Variants in PCDHGA11 observed in about 807,000 individuals in gnomAD.
PCDHGA11 encodes the protein protocadherin gamma-A11.
PCDHGA11 carries 39 observed loss-of-function variants against 60.4 expected under a neutral mutation model. The observed-to-expected ratio is 0.65, with a 90% CI of 0.50 to 0.84. The LOEUF is 0.84. Ranked by LOEUF, PCDHGA11 falls within the 40% of genes least tolerant of loss-of-function variation. The probability of loss-of-function intolerance (pLI) is 0.00; values close to 1 mark genes in which losing one functional copy is unlikely to be tolerated. For missense variants in PCDHGA11, 1,165 were observed against 1,197.7 expected (o/e 0.97, Z 0.40); for synonymous variants, 533 against 510.3 (o/e 1.04, Z -0.60).
intron 2 of PCDHGA11, among the ~76,000 whole-genome samples, chr5:141,502,024 C>T (rs2099812413): frequency 2.0e-5 from 3 of 152,152 alleles, no homozygotes; most frequent in Admixed American, 1.3e-4. Context: ...TCCCTGCAAC[C>T]CCCGCCGCTT....
rs1485764871 is a variant in PCDHGA11, at chr5:141,486,709, C to A, written c.2434-8098C>A. On this transcript the variant is annotated intron_variant, in intron 1 of 3. Coordinates refer to ENST00000398587, the MANE Select transcript of PCDHGA11 (RefSeq NM_018914.3). The surrounding 1 kb of genome is among the most constrained non-coding windows in gnomAD (Gnocchi z 5.0). ...CTTCCTCTTTCATCTCTCTGAACCC[C>A]CAGACAGGAGCTGTTCATGCTACTC... 6.2e-7 allele frequency: 1 copy of A among 1,614,182 alleles called. No homozygotes were observed. Among genetic ancestry groups the A allele is most frequent in the Admixed American group, 1.7e-5 (1 of 60,022 alleles).
intron 1 of PCDHGA11, among the ~76,000 whole-genome samples, chr5:141,434,129 G>T (rs1242855904): frequency 6.6e-6 from 1 of 152,092 alleles, no homozygotes; most frequent in East Asian, 1.9e-4. Flanking sequence ...CTCCCTTTAG[G>T]CTGATTTCTA....
chr5:141,423,170 A>G lies in PCDHGA11; in HGVS notation c.1943A>G (p.Gln648Arg). 8 of 1,613,504 alleles carry G rather than the reference A, an allele frequency of 5.0e-6. No individual in the cohort carries two copies. Among genetic ancestry groups the G allele is most frequent in the Non-Finnish European group, 6.8e-6 (8 of 1,179,934 alleles). Residue 648 changes from glutamine to arginine, a missense_variant, in exon 1 of 4, where the codon CAG (glutamine) becomes CGG (arginine). Coordinates refer to ENST00000398587, the MANE Select transcript of PCDHGA11 (RefSeq NM_018914.3). Reference sequence around the variant, plus strand: ...AAGCAGAGCCTCGTGGTGGCCGTCCAGGACCACGGCCAGCCCCCTCTCTCG... The same window carrying G: ...AAGCAGAGCCTCGTGGTGGCCGTCCGGGACCACGGCCAGCCCCCTCTCTCG... Reference protein sequence around the residue: ...ALKQSLVVAVQDHGQPPLSAT... With the variant: ...ALKQSLVVAVRDHGQPPLSAT...
rs61612330 is a variant in PCDHGA11 at position 141,454,796 on chromosome 5, ATTTTTTTT to A, written c.2433+31158_2433+31165del. Reference sequence around the variant, plus strand: ...AAGGAAATAATCCTCCATGGTTCTAATTTTTTTTTTTTTTTTTTTTTTTTTTTTTGAGA... The same window carrying A: ...AAGGAAATAATCCTCCATGGTTCTAATTTTTTTTTTTTTTTTTTTTTGAGA... On this transcript the variant is annotated intron_variant, in intron 1 of 3. Transcript: ENST00000398587. Among the ~76,000 whole-genome samples, 398 of 77,454 alleles carry A rather than the reference ATTTTTTTT, an allele frequency of 5.1e-3. 2 individuals are homozygous for A. The highest frequency in any genetic ancestry group is 0.021 in the African/African-American group (363 of 16,886). 50.8% of individuals were successfully genotyped at this position (77,454 alleles called of 152,430 possible).
intron 1 of PCDHGA11, among the ~76,000 whole-genome samples, chr5:141,483,832 G>A (rs994540286): frequency 2.0e-5 from 3 of 152,134 alleles, no homozygotes; most frequent in African/African-American, 7.2e-5. Context: ...ACCTAGGTAA[G>A]GACTTGGTTG....
chr5:141,481,401 CT>C (rs2099537157), intron 1 of PCDHGA11, among the ~76,000 whole-genome samples: 1 of 152,204 alleles, frequency 6.6e-6, no homozygotes, highest in African/African-American at 2.4e-5. Flanking sequence ...TGACAAAATT[CT>C]TGTATAATTA....
Position 141,487,399 on chromosome 5 carries a change from G to A in PCDHGA11, c.2434-7408G>A. 1.2e-6 allele frequency: 2 copies of A among 1,614,140 alleles called. No homozygotes were observed. Among genetic ancestry groups the A allele is most frequent in the South Asian group, 1.1e-5 (1 of 91,088 alleles). On this transcript the variant is annotated intron_variant, in intron 1 of 3. Coordinates refer to ENST00000398587, the MANE Select transcript of PCDHGA11 (RefSeq NM_018914.3). The surrounding 1 kb of genome is among the most constrained non-coding windows in gnomAD (Gnocchi z 5.0). ...TCACCAGATCTCGAAGGAGGGAGGGGCTTCCCCCTTCCAATGGGATCCTCC... is the reference window on the plus strand; with the variant it reads ...TCACCAGATCTCGAAGGAGGGAGGGACTTCCCCCTTCCAATGGGATCCTCC...
chr5:141,478,135 C>T (rs1307702473), intron 1 of PCDHGA11: 7 of 1,613,970 alleles, frequency 4.3e-6, no homozygotes, highest in African/African-American at 1.3e-5. Flanking sequence ...CTCCTGAAGC[C>T]CGAGCCGAGT....
At position 141,421,533 on chromosome 5, in the gene PCDHGA11, C is replaced by T. The variant is rs80184002; in HGVS notation, c.306C>T (p.Ser102=). The T allele has an allele frequency of 6.2e-7, 1 of 1,614,044 alleles. No homozygotes were observed. Among genetic ancestry groups the T allele is most frequent in the African/African-American group, 1.3e-5 (1 of 75,072 alleles). ...DREELCETVS[S]CFLNMELLVE... Reference sequence around the variant, plus strand: ...AGGAGCTCTGTGAGACGGTGTCCTCCTGTTTTTTAAATATGGAACTTCTCG... The same window carrying T: ...AGGAGCTCTGTGAGACGGTGTCCTCTTGTTTTTTAAATATGGAACTTCTCG... The change falls in exon 1 of 4, where the codon TCC becomes TCT. Residue 102 remains serine (S), a synonymous_variant. Transcript: ENST00000398587.
At chr5:141,468,853 G>C (rs893773356) in intron 1 of PCDHGA11, among the ~76,000 whole-genome samples, 5 of 150,898 alleles carry the variant, frequency 3.3e-5, no homozygotes, top group Non-Finnish European at 7.4e-5. Flanking sequence ...GCAACAGAGC[G>C]AGACTCCATC....
chr5:141,445,025 C>T (rs2154560886), intron 1 of PCDHGA11, among the ~76,000 whole-genome samples: 2 of 152,200 alleles, frequency 1.3e-5, no homozygotes, highest in Middle Eastern at 6.8e-3. Flanking sequence ...TTTCTCTCAG[C>T]TATGTTGTAT....
Position 141,490,102 on chromosome 5 carries a change from G to A in PCDHGA11, c.2434-4705G>A, listed in dbSNP as rs377649214. On this transcript the variant is annotated intron_variant, in intron 1 of 3. Coordinates refer to ENST00000398587, the MANE Select transcript of PCDHGA11 (RefSeq NM_018914.3). The surrounding 1 kb of genome is among the most constrained non-coding windows in gnomAD (Gnocchi z 5.4). ...TTCTTTTGGAGACCACACATCTGAG[G>A]CAGTGCGGAACCTCTTTGGCCTAGA... 4.3e-6 allele frequency: 7 copies of A among 1,614,144 alleles called. No homozygotes were observed. The African/African-American group carries it at 9.3e-5, about 22-fold the overall frequency.
intron 1 of PCDHGA11, among the ~76,000 whole-genome samples, chr5:141,488,139 T>A (rs906194527): frequency 6.6e-6 from 1 of 152,084 alleles, no homozygotes; most frequent in Non-Finnish European, 1.5e-5. Context: ...AGGAGAGAAC[T>A]AAAGGAATAG....
chr5:141,477,564 A>T lies in PCDHGA11; in HGVS notation c.2434-17243A>T. 2 of 1,613,924 alleles carry T rather than the reference A, an allele frequency of 1.2e-6. No individual in the cohort carries two copies. The highest frequency in any genetic ancestry group is 1.7e-6 in the Non-Finnish European group (2 of 1,179,980). On this transcript the variant is annotated intron_variant, in intron 1 of 3. Coordinates refer to ENST00000398587, the MANE Select transcript of PCDHGA11 (RefSeq NM_018914.3). The surrounding 1 kb of genome is among the most constrained non-coding windows in gnomAD (Gnocchi z 4.9). ...CCAATACTAAACCTAAGTGTCTGGG[A>T]CCCCGACGCCCCGCAGAATGCTCGG... is the stretch of plus-strand genomic sequence containing the variant.
In PCDHGA11 at chr5:141,432,068, C is replaced by G. The variant is rs1297096209; in HGVS notation, c.2433+8408C>G. ...AACCCCGCCCCTATCCACGGAAACT[C>G]ATATCTCGCTGAACGTGGCAGACAC... On this transcript the variant is annotated intron_variant, in intron 1 of 3. Transcript: ENST00000398587. The surrounding 1 kb of genome is among the most constrained non-coding windows in gnomAD (Gnocchi z 6.0). 6.2e-7 allele frequency: 1 copy of G among 1,614,210 alleles called. No individual in the cohort carries two copies. The highest frequency in any genetic ancestry group is 1.7e-5 in the Admixed American group (1 of 60,028).
chr5:141,451,809 A>C (rs1316571749), intron 1 of PCDHGA11, among the ~76,000 whole-genome samples: 1 of 150,308 alleles, frequency 6.7e-6, no homozygotes, highest in Non-Finnish European at 1.5e-5. Flanking sequence ...TGAACCCAGG[A>C]GGCGGAGGTT....
Position 141,422,371 on chromosome 5 carries a change from C to A in PCDHGA11, c.1144C>A (p.Gln382Lys). 1 of 1,567,208 alleles carries A rather than the reference C, an allele frequency of 6.4e-7. No homozygotes were observed. The highest frequency in any genetic ancestry group is 1.2e-5 in the South Asian group (1 of 81,376). ...VQDQDSGENGQVSCFIPNHLP... is the reference protein window; with the variant it reads ...VQDQDSGENGKVSCFIPNHLP... ...AGATCAAGATTCTGGAGAAAATGGT[C>A]AAGTCTCCTGTTTTATTCCTAACCA... The change falls in exon 1 of 4, where the codon CAA becomes AAA. Residue 382 changes from glutamine (Q) to lysine (K), a missense_variant. Coordinates refer to ENST00000398587, the MANE Select transcript of PCDHGA11 (RefSeq NM_018914.3).
chr5:141,428,121 G>A (rs764584436), intron 1 of PCDHGA11: 2 of 1,605,742 alleles, frequency 1.2e-6, no homozygotes, highest in Admixed American at 1.7e-5. Flanking sequence ...CATCGAGCCC[G>A]GGCTTTTCAG....
intron 1 of PCDHGA11, among the ~76,000 whole-genome samples, chr5:141,434,409 T>G (rs2097692930): frequency 6.6e-6 from 1 of 152,232 alleles, no homozygotes; most frequent in South Asian, 2.1e-4. Context: ...TCTGCAGCAC[T>G]GTGACATGTT....
Sources: allele counts gnomAD v4.1 joint callset (sites outside exome capture counted in the v4.1 genomes callset), GRCh38; gene constraint gnomAD v4.1.1; non-coding constraint Gnocchi (gnomAD v3.1); transcripts MANE v1.5; gene names NCBI Gene and HGNC (gene_info 2026-07-23, HGNC 2026-07-21).